C14orf39: variants seen among roughly 807,000 people sequenced by gnomAD.
The protein encoded by C14orf39 is chromosome 14 open reading frame 39.
A neutral mutation model predicts 85.6 loss-of-function variants in C14orf39; 66 were observed. The ratio of observed to expected loss-of-function variants is 0.77; its 90% CI spans 0.63 to 0.95. C14orf39 has a LOEUF of 0.95. C14orf39 is among the 40% of genes least tolerant of loss of function. The pLI, the probability that C14orf39 is intolerant of heterozygous loss-of-function variation, is 0.00. For missense variants in C14orf39, 735 were observed against 663.9 expected (o/e 1.11, Z -1.18); for synonymous variants, 242 against 214.0 (o/e 1.13, Z -1.14).
chr14:60,483,365 G>C (rs575992220), intron 4 of C14orf39, among the ~76,000 whole-genome samples: 3 of 152,202 alleles, frequency 2.0e-5, no homozygotes, highest in South Asian at 4.1e-4. Context: ...ACTTCAGGCC[G>C]TATTCCCTCA....
chr14:60,452,904 T>C (rs1341140826), intron 16 of C14orf39, among the ~76,000 whole-genome samples: 2 of 152,200 alleles, frequency 1.3e-5, no homozygotes, highest in Non-Finnish European at 2.9e-5. Flanking sequence ...CTAATTTAAT[T>C]CTGCTGTGGT....
intron 16 of C14orf39, among the ~76,000 whole-genome samples, chr14:60,443,337 A>C (rs1890612546): frequency 6.6e-6 from 1 of 152,206 alleles, no homozygotes; most frequent in African/African-American, 2.4e-5. Context: ...CACTTTGTCC[A>C]AGGTCTTAGC....
intron 11 of C14orf39, 92 bp from the exon 12 acceptor site, chr14:60,461,685 A>G: frequency 1.6e-6 from 1 of 640,554 alleles, no homozygotes; most frequent in Non-Finnish European, 2.6e-6. Flanking sequence ...TCATTTCATT[A>G]GTATTTCATC....
Position 60,467,044 on chromosome 14 carries a change from T to G in C14orf39, c.768A>C (p.Arg256Ser). 2 of 1,322,502 alleles carry G rather than the reference T, an allele frequency of 1.5e-6. No homozygotes were observed. The highest frequency in any genetic ancestry group is 2.8e-5 in the Admixed American group (1 of 35,102). The allele number at this position is 1,322,502 out of a possible 1,614,324, so 81.9% of individuals were successfully genotyped here. The change falls in exon 10 of 18, where the codon AGA becomes AGC. Residue 256 changes from arginine to serine, a missense_variant and splice_region_variant. Coordinates refer to ENST00000321731, the MANE Select transcript of C14orf39 (RefSeq NM_174978.3). ...GTACATGCTCATCTTTTCCAAAAAT[T>G]CTAAAGAGAAAGGTGAATTACATTA... ...NTENRKELKE[R>S]IFGKDEHVLT... is the part of the protein sequence containing the mutation.
Position 60,491,624 on chromosome 14 carries a change from A to G in C14orf39, c.-8-6538T>C, listed in dbSNP as rs1036478506. Reference sequence around the variant, plus strand: ...ATCAAATCCATCATAAATCCTACCAATTTTTCCTCTTAAATATCTTCCATC... The same window carrying G: ...ATCAAATCCATCATAAATCCTACCAGTTTTTCCTCTTAAATATCTTCCATC... On this transcript the variant is annotated intron_variant, in intron 2 of 5. Transcript: ENST00000556799. The surrounding 1 kb of genome is among the most constrained non-coding windows in gnomAD (Gnocchi z 4.5). Among the ~76,000 whole-genome samples, 2 of 151,702 alleles carry G rather than the reference A, an allele frequency of 1.3e-5. No homozygotes were observed. The highest frequency in any genetic ancestry group is 4.8e-5 in the African/African-American group (2 of 41,262).
chr14:60,495,877 T>C (rs537092738), intron 2 of C14orf39: 47 of 386,162 alleles, frequency 1.2e-4, no homozygotes, highest in South Asian at 9.4e-4. Flanking sequence ...CACTACAGTA[T>C]AGAATATAGA....
intron 16 of C14orf39, among the ~76,000 whole-genome samples, chr14:60,454,571 T>C (rs1891180721): frequency 6.6e-6 from 1 of 151,994 alleles, no homozygotes; most frequent in Non-Finnish European, 1.5e-5. Context: ...TTATCATGAT[T>C]CATATCACTG....
chr14:60,439,880 C>T (rs1890426463), intron 17 of C14orf39, among the ~76,000 whole-genome samples: 1 of 152,116 alleles, frequency 6.6e-6, no homozygotes, highest in South Asian at 2.1e-4. Context: ...TTGAGACCAG[C>T]CTGGCCAACA....
intron 11 of C14orf39, among the ~76,000 whole-genome samples, chr14:60,463,565 C>T (rs1891639647): frequency 6.6e-6 from 1 of 152,052 alleles, no homozygotes; most frequent in Non-Finnish European, 1.5e-5. Context: ...ACCACTAAAT[C>T]TACACTTTTA....
intron 2 of C14orf39, chr14:60,494,571 C>G (rs891017976): frequency 6.6e-6 from 1 of 152,200 alleles, no homozygotes; most frequent in Non-Finnish European, 1.5e-5. Flanking sequence ...ACTGCTCCGA[C>G]CTTCCATCTT....
chr14:60,471,246 T>C (rs1892061082), intron 7 of C14orf39, among the ~76,000 whole-genome samples, 171 bp downstream of exon 7: 1 of 152,014 alleles, frequency 6.6e-6, no homozygotes, highest in Non-Finnish European at 1.5e-5. Context: ...TCTGATCACA[T>C]GAATATACAT....
intron 16 of C14orf39, among the ~76,000 whole-genome samples, chr14:60,444,805 G>C (rs186004471): frequency 6.6e-6 from 1 of 152,150 alleles, no homozygotes; most frequent in African/African-American, 2.4e-5. Context: ...AGAGAGAAAG[G>C]TCGGGTTACC....
At chr14:60,493,518 G>C (rs1458233375) in intron 2 of C14orf39, among the ~76,000 whole-genome samples, 1 of 152,124 alleles carries the variant, frequency 6.6e-6, no homozygotes, top group East Asian at 1.9e-4. Flanking sequence ...TCACTCTAGG[G>C]GTACAAAGTT....
At chr14:60,464,267 T>C (rs1330346389) in intron 11 of C14orf39, among the ~76,000 whole-genome samples, 1 of 152,176 alleles carries the variant, frequency 6.6e-6, no homozygotes, top group Non-Finnish European at 1.5e-5. Context: ...TGAGAAATAA[T>C]GGCATTGTTG....
chr14:60,497,818 G>T (rs1893090806), intron 2 of C14orf39, among the ~76,000 whole-genome samples: 1 of 151,802 alleles, frequency 6.6e-6, no homozygotes, highest in Admixed American at 6.6e-5. Context: ...AGAGGCAGAG[G>T]ATGCAGTGAG....
At position 60,515,292 on chromosome 14, in the gene C14orf39, A is replaced by C. The variant is rs1021759946; in HGVS notation, c.-144+103T>G. 1 of 151,780 alleles carries C rather than the reference A, an allele frequency of 6.6e-6. No homozygotes were observed. Among genetic ancestry groups the C allele is most frequent in the African/African-American group, 2.4e-5 (1 of 41,374 alleles). 9.4% of individuals were successfully genotyped at this position (151,780 alleles called of 1,614,324 possible). On this transcript the variant is annotated intron_variant, in intron 1 of 5. Transcript: ENST00000556799. The surrounding 1 kb of genome is among the most constrained non-coding windows in gnomAD (Gnocchi z 6.2). Reference sequence around the variant, plus strand: ...AAAGAGAAGCCCAGACTGGGCCCACAGTACCCGGGAAGGTGAGTCCTTACT... The same window carrying C: ...AAAGAGAAGCCCAGACTGGGCCCACCGTACCCGGGAAGGTGAGTCCTTACT...
chr14:60,454,788 G>A (rs954373748), intron 16 of C14orf39, among the ~76,000 whole-genome samples: 2 of 151,876 alleles, frequency 1.3e-5, no homozygotes, highest in African/African-American at 4.8e-5. Flanking sequence ...CCTATCCTGA[G>A]ATCCGTTTTT....
At chr14:60,441,983 A>T (rs1214636105) in intron 17 of C14orf39, 91 bp downstream of exon 17, 5 of 811,616 alleles carry the variant, frequency 6.2e-6, no homozygotes, top group Non-Finnish European at 1.0e-5. Context: ...TAAAGAATAA[A>T]TTGAGCACCT....
Position 60,451,601 on chromosome 14 carries a change from A to G in C14orf39, c.1503+3400T>C, listed in dbSNP as rs113524770. Among the ~76,000 whole-genome samples, 131 of 149,518 alleles carry G rather than the reference A, an allele frequency of 8.8e-4. 1 individual carries two copies. The Middle Eastern group carries it at 0.021, about 23-fold the overall frequency. ...CTATCACAAGGACAGAAAACTAAACACCGCATGTTCTCACTCATAGGTGGG... is the reference window on the plus strand; with the variant it reads ...CTATCACAAGGACAGAAAACTAAACGCCGCATGTTCTCACTCATAGGTGGG... On this transcript the variant is annotated intron_variant, in intron 16 of 17. Coordinates refer to ENST00000321731, the MANE Select transcript of C14orf39 (RefSeq NM_174978.3).
Sources: gnomAD v4.1 joint callset for allele counts (sites outside exome capture counted in the v4.1 genomes callset) on GRCh38, gnomAD v4.1.1 for gene constraint, Gnocchi (gnomAD v3.1) non-coding constraint, MANE v1.5 for transcripts, NCBI Gene and HGNC (gene_info 2026-07-23, HGNC 2026-07-21) for gene names.